ZMYM1: variants seen among roughly 807,000 people sequenced by gnomAD.
ZMYM1 encodes the protein zinc finger MYM-type containing 1.
A neutral mutation model predicts 60.0 loss-of-function variants in ZMYM1; 39 were observed. The ratio of observed to expected loss-of-function variants is 0.65; its 90% CI spans 0.50 to 0.85. The LOEUF is 0.85. Ranked by LOEUF, ZMYM1 falls within the 40% of genes least tolerant of loss-of-function variation. The probability of loss-of-function intolerance (pLI) is 0.00; values close to 1 mark genes in which losing one functional copy is unlikely to be tolerated. For missense variants in ZMYM1, 1,171 were observed against 1,309.5 expected (o/e 0.89, Z 1.63); for synonymous variants, 413 against 454.0 (o/e 0.91, Z 1.15).
At chr1:35,117,448 T>G (rs913637972), downstream of ZMYM1, among the ~76,000 whole-genome samples, 1 of 151,938 alleles carries the variant, frequency 6.6e-6, no homozygotes, top group African/African-American at 2.4e-5. Context: ...GCTTCCCAAG[T>G]ATATGGGATT....
intron 1 of ZMYM1, among the ~76,000 whole-genome samples, chr1:35,081,687 T>G (rs1039922047): frequency 6.6e-6 from 1 of 152,054 alleles, no homozygotes; most frequent in African/African-American, 2.4e-5. Context: ...TATAAAGAAA[T>G]AAAATTGATT....
At chr1:35,098,278 A>G (rs1318174756) in intron 4 of ZMYM1, among the ~76,000 whole-genome samples, 1 of 152,200 alleles carries the variant, frequency 6.6e-6, no homozygotes, top group East Asian at 1.9e-4. Flanking sequence ...ATTGATGGCC[A>G]TAGATAAACC....
chr1:35,102,268 A>T (rs1643699798), intron 4 of ZMYM1, among the ~76,000 whole-genome samples: 1 of 152,030 alleles, frequency 6.6e-6, no homozygotes, highest in South Asian at 2.1e-4. Context: ...TGTGGGATCA[A>T]ACTTTTTGTA....
chr1:35,081,677 T>C (rs1642394577), intron 1 of ZMYM1, among the ~76,000 whole-genome samples: 1 of 152,132 alleles, frequency 6.6e-6, no homozygotes, highest in African/African-American at 2.4e-5. Context: ...TCTGTTCTAG[T>C]ATAAAGAAAT....
At chr1:35,101,048 C>T (rs1200983629) in intron 4 of ZMYM1, among the ~76,000 whole-genome samples, 2 of 151,702 alleles carry the variant, frequency 1.3e-5, no homozygotes, top group Non-Finnish European at 2.9e-5. Context: ...AGTGATCCTC[C>T]TGGCTTGCCC....
chr1:35,111,809 GCTT>G lies in ZMYM1; in HGVS notation c.1003_1005del (p.Leu335del). Reference sequence around the variant, plus strand: ...CTGTGGTGCATGATACTTCAACAGAGCTTCTTTCTCCAAAGAAAGATACGACTC... The same window carrying G: ...CTGTGGTGCATGATACTTCAACAGAGCTTTCTCCAAAGAAAGATACGACTC... On this transcript the variant is annotated inframe_deletion, in exon 8 of 10. Transcript: ENST00000359858. The G allele has an allele frequency of 8.7e-6, 14 of 1,606,504 alleles. No individual in the cohort carries two copies. Among genetic ancestry groups the G allele is most frequent in the Non-Finnish European group, 1.2e-5 (14 of 1,175,360 alleles).
chr1:35,072,091 G>A (rs894038661), intron 1 of ZMYM1, among the ~76,000 whole-genome samples: 2 of 152,142 alleles, frequency 1.3e-5, no homozygotes, highest in African/African-American at 2.4e-5. Context: ...CCGAGATCAC[G>A]CCATTGCATT....
intron 1 of ZMYM1, among the ~76,000 whole-genome samples, chr1:35,073,327 GAGAA>G (rs1364605094): frequency 0.014 from 1,234 of 86,436 alleles, 28 homozygotes; most frequent in African/African-American, 0.04. Context: ...AAAAGAAAGG[GAGAA>G]AGAAAGAAAG....
chr1:35,078,433 A>G (rs1338319236), upstream of ZMYM1, among the ~76,000 whole-genome samples: 2 of 151,986 alleles, frequency 1.3e-5, no homozygotes, highest in Non-Finnish European at 2.9e-5. Flanking sequence ...GCCTTTAGGA[A>G]TAGCACAGTT....
At chr1:35,091,571 A>G (rs1053664061) in intron 1 of ZMYM1, among the ~76,000 whole-genome samples, 6 of 152,032 alleles carry the variant, frequency 3.9e-5, no homozygotes, top group Admixed American at 1.3e-4. Context: ...ATGTTGGGGA[A>G]AAACAGCCCA....
intron 1 of ZMYM1, among the ~76,000 whole-genome samples, chr1:35,080,282 C>T (rs1642308760): frequency 6.6e-6 from 1 of 151,712 alleles, no homozygotes; most frequent in South Asian, 2.1e-4. Flanking sequence ...AACAACAGTC[C>T]CACTCCTTCT....
intron 6 of ZMYM1, 107 bp from the exon 7 acceptor site, chr1:35,110,187 T>G: frequency 1.2e-6 from 1 of 848,730 alleles, no homozygotes; most frequent in Non-Finnish European, 1.6e-6. Context: ...ACTGTCTTAA[T>G]TGTTATTCTT....
intron 1 of ZMYM1, among the ~76,000 whole-genome samples, chr1:35,085,143 G>C: frequency 6.6e-6 from 1 of 151,956 alleles, no homozygotes; most frequent in East Asian, 1.9e-4. Flanking sequence ...CGCCTCCTGG[G>C]TTCACGCCCT....
chr1:35,096,256 G>C (rs187804001), intron 3 of ZMYM1, among the ~76,000 whole-genome samples: 140 of 151,290 alleles, frequency 9.3e-4, no homozygotes, highest in Non-Finnish European at 1.5e-3. Flanking sequence ...AGGTTGTGGT[G>C]AGCCAAGATT....
At position 35,115,021 on chromosome 1, in the gene ZMYM1, C is replaced by T. The variant is rs1279963781; in HGVS notation, c.3191C>T (p.Pro1064Leu). Residue 1064 changes from proline to leucine, a missense_variant, in exon 10 of 10, where the codon CCT becomes CTT. Coordinates refer to ENST00000359858, the MANE Select transcript of ZMYM1 (RefSeq NM_024772.5). ...CAGCATGGTCTTCACAGTAATATTC[C>T]TTGTCTCTCAAAGCTATTATATATT... ...FIQHGLHSNI[P>L]CLSKLLYIAL... The T allele has an allele frequency of 1.7e-5, 27 of 1,613,872 alleles. No individual in the cohort carries two copies. Among genetic ancestry groups the T allele is most frequent in the Non-Finnish European group, 2.1e-5 (25 of 1,179,906 alleles).
intron 1 of ZMYM1, among the ~76,000 whole-genome samples, chr1:35,087,742 T>C (rs548660645): frequency 6.6e-6 from 1 of 152,228 alleles, no homozygotes; most frequent in Non-Finnish European, 1.5e-5. Context: ...AACTTGCAGT[T>C]TCTTTGTGAT....
Position 35,084,291 on chromosome 1 carries a change from C to T in ZMYM1, c.-75+4849C>T, listed in dbSNP as rs74632499. Among the ~76,000 whole-genome samples, 1,383 of 151,944 alleles carry T rather than the reference C, an allele frequency of 9.1e-3. 26 individuals are homozygous for T. Among genetic ancestry groups the T allele is most frequent in the African/African-American group, 0.032 (1,314 of 41,398 alleles). On this transcript the variant is annotated intron_variant, in intron 1 of 9. Transcript: ENST00000359858. Reference sequence around the variant, plus strand: ...CCTGACAAGAACAATATCTGAGTCACCTGTGGGTTTGTTTCTATTGCCATT... The same window carrying T: ...CCTGACAAGAACAATATCTGAGTCATCTGTGGGTTTGTTTCTATTGCCATT...
rs2148580444 is a variant in ZMYM1, at chr1:35,115,242, C to T, written c.3412C>T (p.Gln1138Ter). 6.3e-7 allele frequency: 1 copy of T among 1,590,396 alleles called. No homozygotes were observed. Among genetic ancestry groups the T allele is most frequent in the South Asian group, 1.2e-5 (1 of 86,562 alleles). ...LNEIVEKFIS[Q>*]MKEI ...TGAAATTGTGGAAAAGTTTATCAGT[C>T]AGATGAAAGAAATATAATACATGCT... The change falls in exon 10 of 10, where the codon CAG becomes TAG. Residue 1138 changes from glutamine to a stop codon, truncating the protein, a stop_gained. Coordinates refer to ENST00000359858, the MANE Select transcript of ZMYM1 (RefSeq NM_024772.5). LOFTEE classifies it high-confidence loss of function.
At chr1:35,060,383 C>A (rs1470844499) in intron 1 of ZMYM1, among the ~76,000 whole-genome samples, 2 of 151,690 alleles carry the variant, frequency 1.3e-5, no homozygotes, top group Non-Finnish European at 2.9e-5. Flanking sequence ...TGGTCTCGAA[C>A]TCCCGACCTC....
Sources: gnomAD v4.1 joint callset for allele counts (sites outside exome capture counted in the v4.1 genomes callset) on GRCh38, gnomAD v4.1.1 for gene constraint, MANE v1.5 for transcripts, NCBI Gene and HGNC (gene_info 2026-07-23, HGNC 2026-07-21) for gene names.